TRIM24: variants seen among roughly 807,000 people sequenced by gnomAD.
TRIM24 encodes the protein tripartite motif containing 24.
Under a neutral mutation model 123.9 loss-of-function variants are expected in TRIM24, and 29 were observed. That is an observed-to-expected ratio of 0.23 (90% CI 0.17 to 0.32). The LOEUF (loss-of-function observed/expected upper bound fraction) is 0.32, where lower values mean the gene tolerates loss of function less well. TRIM24 is among the 10% of genes least tolerant of loss of function. The pLI is 1.00. For synonymous variants in TRIM24, 456 were observed against 461.1 expected (o/e 0.99, Z 0.14); for missense variants, 932 against 1,295.3 (o/e 0.72, Z 4.31).
chr7:138,557,776 G>A (rs952363343), intron 9 of TRIM24, among the ~76,000 whole-genome samples: 4 of 152,092 alleles, frequency 2.6e-5, no homozygotes, highest in East Asian at 1.9e-4. Context: ...AGCATTTCTC[G>A]TTTTTGTGGC....
At chr7:138,508,662 A>G (rs1049272227) in intron 2 of TRIM24, among the ~76,000 whole-genome samples, 1 of 112,828 alleles carries the variant, frequency 8.9e-6, no homozygotes, top group African/African-American at 3.0e-5. Flanking sequence ...TAATAAGAGG[A>G]GTGTGTGTGT....
At chr7:138,508,102 A>C (rs757474752) in intron 2 of TRIM24, among the ~76,000 whole-genome samples, 1 of 152,168 alleles carries the variant, frequency 6.6e-6, no homozygotes, top group Non-Finnish European at 1.5e-5. Context: ...CTCAAACCTA[A>C]TTAATCTCAA....
At chr7:138,473,810 C>A (rs1336221232) in intron 1 of TRIM24, among the ~76,000 whole-genome samples, 1 of 152,150 alleles carries the variant, frequency 6.6e-6, no homozygotes, top group Non-Finnish European at 1.5e-5. Flanking sequence ...CAAATTTGGA[C>A]AATAGAAACC....
intron 6 of TRIM24, among the ~76,000 whole-genome samples, chr7:138,537,834 A>C (rs1354272264): frequency 6.6e-6 from 1 of 152,204 alleles, no homozygotes; most frequent in East Asian, 1.9e-4. Context: ...TTTATTGAGA[A>C]TGTAAGTCCA....
intron 7 of TRIM24, among the ~76,000 whole-genome samples, chr7:138,540,283 T>C (rs1796976377): frequency 6.6e-6 from 1 of 152,180 alleles, no homozygotes; most frequent in Non-Finnish European, 1.5e-5. Context: ...TAGTGGAAGA[T>C]TTCTCCGTAG....
chr7:138,508,692 T>TGTGCGCGCGCACGC (rs1422176564), intron 2 of TRIM24, among the ~76,000 whole-genome samples: 3 of 137,214 alleles, frequency 2.2e-5, no homozygotes, highest in East Asian at 2.3e-4. Flanking sequence ...TGTGTGTGTG[T>TGTGCGCGCGCACGC]GCGCGCGCGT....
chr7:138,469,355 G>A (rs1795220754), intron 1 of TRIM24, among the ~76,000 whole-genome samples: 3 of 144,722 alleles, frequency 2.1e-5, no homozygotes, highest in East Asian at 2.0e-4. Context: ...TTTTGAGACA[G>A]TGTCTCGTGC....
In TRIM24 at chr7:138,585,006, C is replaced by A; in HGVS notation, c.*55C>A. 6.9e-7 allele frequency: 1 copy of A among 1,448,696 alleles called. No homozygotes were observed. Among genetic ancestry groups the A allele is most frequent in the South Asian group, 1.3e-5 (1 of 76,994 alleles). 89.7% of individuals were successfully genotyped at this position (1,448,696 alleles called of 1,614,324 possible). A position where few individuals can be genotyped will look rare whatever the true frequency, so the allele number is the denominator to read the frequency against. ...TTAGATTTTTTTGTTTTCAAAAAAA[C>A]ATTTGTCAGTAATTTAACATCACTA... On this transcript the variant is annotated 3_prime_UTR_variant, in exon 19 of 19. Transcript: ENST00000343526.
At chr7:138,567,415 T>C (rs1306732917) in intron 9 of TRIM24, 66 bp from the exon 10 acceptor site, 2 of 1,439,100 alleles carry the variant, frequency 1.4e-6, no homozygotes, top group Non-Finnish European at 1.9e-6. Context: ...TTTTATAAGA[T>C]AGAGATTTAT....
At position 138,577,432 on chromosome 7, in the gene TRIM24, C is replaced by A; in HGVS notation, c.2100C>A (p.Ser700=). 1 of 1,571,328 alleles carries A rather than the reference C, an allele frequency of 6.4e-7. No homozygotes were observed. Among genetic ancestry groups the A allele is most frequent in the African/African-American group, 1.4e-5 (1 of 72,292 alleles). ...CTCATACTTACAGCTCTGGCTCTTCCAGCAAACCAGCAGGAGCTGACTCTA... is the reference window on the plus strand; with the variant it reads ...CTCATACTTACAGCTCTGGCTCTTCAAGCAAACCAGCAGGAGCTGACTCTA... ...SVGSRGSSGS[S]SKPAGADSTH... Residue 700 remains serine, a synonymous_variant, in exon 14 of 19, where the codon TCC becomes TCA. Transcript: ENST00000343526.
chr7:138,551,550 T>G (rs765687524), intron 8 of TRIM24, among the ~76,000 whole-genome samples: 1 of 152,248 alleles, frequency 6.6e-6, no homozygotes, highest in Non-Finnish European at 1.5e-5. Flanking sequence ...CATTAACGTA[T>G]GTATATGGTA....
intron 9 of TRIM24, among the ~76,000 whole-genome samples, chr7:138,562,030 T>G (rs925140363): frequency 6.6e-6 from 1 of 152,182 alleles, no homozygotes; most frequent in Non-Finnish European, 1.5e-5. Flanking sequence ...CCCCTTGACT[T>G]ACTTCAAAGC....
chr7:138,470,754 T>C (rs1425296506), intron 1 of TRIM24, among the ~76,000 whole-genome samples: 1 of 152,238 alleles, frequency 6.6e-6, no homozygotes, highest in Non-Finnish European at 1.5e-5. Flanking sequence ...TGTATACCTG[T>C]CATTCTTGGG....
chr7:138,580,308 T>C (rs1212233222), intron 15 of TRIM24, among the ~76,000 whole-genome samples: 3 of 152,052 alleles, frequency 2.0e-5, no homozygotes, highest in Admixed American at 6.5e-5. Context: ...TAGGTGTTTC[T>C]TTTTTTTCAA....
intron 16 of TRIM24, among the ~76,000 whole-genome samples, 195 bp downstream of exon 16, chr7:138,580,889 C>G (rs530040946): frequency 2.0e-5 from 3 of 151,886 alleles, no homozygotes; most frequent in Admixed American, 1.3e-4. Context: ...AGAATTAATG[C>G]ATGTATTTTA....
chr7:138,504,190 A>AACAGAC (rs1303481359), intron 1 of TRIM24, 100 bp from the exon 2 acceptor site: 4 of 671,762 alleles, frequency 6.0e-6, no homozygotes, highest in African/African-American at 5.7e-5. Flanking sequence ...ATTTAAAAAG[A>AACAGAC]ATGGACATTG....
intron 1 of TRIM24, 153 bp downstream of exon 1, chr7:138,461,065 A>G (rs972527852): frequency 1.1e-5 from 9 of 841,982 alleles, no homozygotes; most frequent in Middle Eastern, 2.6e-4. Flanking sequence ...CGACGGTGAC[A>G]TGGAGGGCCC....
At chr7:138,488,873 G>C (rs1343385778) in intron 1 of TRIM24, among the ~76,000 whole-genome samples, 1 of 152,144 alleles carries the variant, frequency 6.6e-6, no homozygotes, top group African/African-American at 2.4e-5. Flanking sequence ...TCTGCTTGGT[G>C]CAAAGCTGAG....
At position 138,576,424 on chromosome 7, in the gene TRIM24, C is replaced by T. The variant is rs1017519030; in HGVS notation, c.2066C>T (p.Ser689Phe). The T allele has an allele frequency of 5.6e-6, 9 of 1,613,638 alleles. No homozygotes were observed. The highest frequency in any genetic ancestry group is 4.0e-5 in the African/African-American group (3 of 74,884). The part of the protein sequence containing the change: ...VHPPIRSPSA[S>F]SVGSRGSSGS... ...CCCCCAATACGTTCACCTAGTGCCT[C>T]CAGCGTTGGAAGCCGAGGAAGGTAA... The change falls in exon 13 of 19, where the codon TCC becomes TTC. Residue 689 changes from serine (S) to phenylalanine (F), a missense_variant. By Grantham distance (155) the Ser-to-Phe change is radical. Transcript: ENST00000343526.
Sources: gnomAD v4.1 joint callset for allele counts (sites outside exome capture counted in the v4.1 genomes callset) on GRCh38, gnomAD v4.1.1 for gene constraint, MANE v1.5 for transcripts, NCBI Gene and HGNC (gene_info 2026-07-23, HGNC 2026-07-21) for gene names.